CYSLTR2: variants seen among roughly 807,000 people sequenced by gnomAD.
CYSLTR2 encodes the protein G-protein coupled receptor GPCR21.
For synonymous variants in CYSLTR2, 179 were observed against 160.8 expected, an observed-to-expected ratio of 1.11 and a Z score of -0.86; for missense variants, 398 against 411.9, an observed-to-expected ratio of 0.97 and a Z score of 0.29.
At chr13:48,697,370 G>C (rs528167049) in intron 4 of CYSLTR2, among the ~76,000 whole-genome samples, 1 of 152,188 alleles carries the variant, frequency 6.6e-6, no homozygotes, top group African/African-American at 2.4e-5. Flanking sequence ...CTGTTCTGCC[G>C]CTTCCACTGG....
chr13:48,692,557 A>T (rs1210015733), intron 2 of CYSLTR2, among the ~76,000 whole-genome samples: 1 of 151,454 alleles, frequency 6.6e-6, no homozygotes. Flanking sequence ...AGATAAAATA[A>T]TATGTATGTC....
At chr13:48,666,149 C>T (rs545176213) in intron 1 of CYSLTR2, among the ~76,000 whole-genome samples, 13 of 152,170 alleles carry the variant, frequency 8.5e-5, no homozygotes, top group South Asian at 8.3e-4. Context: ...CTCTTCATTT[C>T]GGAAGGATAG....
intron 1 of CYSLTR2, among the ~76,000 whole-genome samples, chr13:48,662,217 A>G (rs1407858346): frequency 6.6e-6 from 1 of 152,196 alleles, no homozygotes; most frequent in African/African-American, 2.4e-5. Flanking sequence ...ATAGTATTCC[A>G]TTATGTATAT....
chr13:48,657,535 GGA>G (rs532041122), intron 1 of CYSLTR2, among the ~76,000 whole-genome samples: 10 of 151,826 alleles, frequency 6.6e-5, no homozygotes, highest in Admixed American at 4.6e-4. Flanking sequence ...AGATGGAAAA[GGA>G]GAGAGGAAAA....
At chr13:48,689,447 A>G (rs916144314) in intron 1 of CYSLTR2, among the ~76,000 whole-genome samples, 13 of 152,048 alleles carry the variant, frequency 8.5e-5, no homozygotes, top group Admixed American at 5.3e-4. Context: ...GTAAGGAAGG[A>G]GTCCAGGTTC....
At position 48,707,171 on chromosome 13, in the gene CYSLTR2, G is replaced by T. The variant is rs772682084; in HGVS notation, c.354G>T (p.Leu118Phe). The T allele has an allele frequency of 1.2e-6, 2 of 1,614,162 alleles. No individual in the cohort carries two copies. Among genetic ancestry groups the T allele is most frequent in the African/African-American group, 1.3e-5 (1 of 75,036 alleles). ...DLACRIMSYSLYVNMYSSIYF... is the reference protein window; with the variant it reads ...DLACRIMSYSFYVNMYSSIYF... The stretch of plus-strand genomic sequence containing the variant: ...CCTGCAGGATTATGTCTTATTCCTT[G>T]TATGTCAACATGTACAGCAGTATTT... Residue 118 changes from leucine (L) to phenylalanine (F), a missense_variant, in exon 5 of 5, where the codon TTG becomes TTT. Leu to Phe is a conservative substitution (Grantham distance 22, BLOSUM62 0). Transcript: ENST00000682523.
chr13:48,664,874 T>C (rs1263258012), intron 1 of CYSLTR2, among the ~76,000 whole-genome samples: 1 of 152,050 alleles, frequency 6.6e-6, no homozygotes, highest in Non-Finnish European at 1.5e-5. Flanking sequence ...TTGCTCTTGC[T>C]TTTCTAGTTC....
chr13:48,657,857 C>T (rs1169979973), intron 1 of CYSLTR2, among the ~76,000 whole-genome samples: 1 of 151,498 alleles, frequency 6.6e-6, no homozygotes, highest in Non-Finnish European at 1.5e-5. Context: ...ATGGATTACA[C>T]ATGCAATTTT....
At position 48,707,494 on chromosome 13, in the gene CYSLTR2, G is replaced by A. The variant is rs199534318; in HGVS notation, c.677G>A (p.Arg226Gln). 1.1e-5 allele frequency: 17 copies of A among 1,612,462 alleles called. No homozygotes were observed. The East Asian group carries it at 1.1e-4, about 11-fold the overall frequency. ...AGCATCTGTTATCTGCTGATCATTC[G>A]GGTTCTGTTAAAAGTGGAGGTCCCA... ...TLSICYLLIIRVLLKVEVPES... is the reference protein window; with the variant it reads ...TLSICYLLIIQVLLKVEVPES... Residue 226 changes from arginine to glutamine, a missense_variant, in exon 5 of 5, where the codon CGG becomes CAG. Transcript: ENST00000682523.
chr13:48,667,014 G>A (rs1953280892), intron 1 of CYSLTR2, among the ~76,000 whole-genome samples: 1 of 152,158 alleles, frequency 6.6e-6, no homozygotes, highest in African/African-American at 2.4e-5. Flanking sequence ...ACATCTGGTG[G>A]AAAAGTTGTC....
intron 4 of CYSLTR2, among the ~76,000 whole-genome samples, chr13:48,700,466 A>G (rs558467144): frequency 1.8e-4 from 27 of 152,358 alleles, no homozygotes; most frequent in East Asian, 9.6e-4. Flanking sequence ...ACAAAATTCA[A>G]CAACCCTTCA....
At chr13:48,703,533 T>C (rs1473392791) in intron 4 of CYSLTR2, among the ~76,000 whole-genome samples, 1 of 152,214 alleles carries the variant, frequency 6.6e-6, no homozygotes, top group Non-Finnish European at 1.5e-5. Context: ...TGAATGGATA[T>C]TGAATTTTGT....
At chr13:48,672,779 G>A (rs545540680) in intron 1 of CYSLTR2, among the ~76,000 whole-genome samples, 24 of 151,900 alleles carry the variant, frequency 1.6e-4, no homozygotes, top group East Asian at 1.5e-3. Flanking sequence ...CACCACGCCC[G>A]GCTAATTTTA....
At position 48,710,208 on chromosome 13, in the gene CYSLTR2, A is replaced by T. The variant is rs1954602878; in HGVS notation, c.*2350A>T. 6.6e-6 allele frequency: 1 copy of T among 152,234 alleles called. No individual in the cohort carries two copies. Among genetic ancestry groups the T allele is most frequent in the Non-Finnish European group, 1.5e-5 (1 of 68,048 alleles). 9.4% of individuals were successfully genotyped at this position (152,234 alleles called of 1,614,324 possible). On this transcript the variant is annotated 3_prime_UTR_variant, in exon 5 of 5. Coordinates refer to ENST00000682523, the MANE Select transcript of CYSLTR2 (RefSeq NM_001308476.3). Reference sequence around the variant, plus strand: ...TACAGCCAGCCAGTCTGAAAATATTAAATGGAAAATTCCAGAAATAATTCT... The same window carrying T: ...TACAGCCAGCCAGTCTGAAAATATTTAATGGAAAATTCCAGAAATAATTCT...
At position 48,667,449 on chromosome 13, in the gene CYSLTR2, A is replaced by G. The variant is rs911870948; in HGVS notation, c.-266+13432A>G. ...TTTCTCAGTCTCAGGATGCAGGTAC[A>G]TAGCTGCTTGGATGGCCTGAGGGAA... is the stretch of plus-strand genomic sequence containing the variant. On this transcript the variant is annotated intron_variant, in intron 1 of 4. Transcript: ENST00000682523. 9.8e-5 allele frequency among the ~76,000 whole-genome samples: 15 copies of G among 152,288 alleles called. No homozygotes were observed. In the Middle Eastern group the frequency reaches 0.01, roughly 104 times the overall value.
rs148227676 is a variant in CYSLTR2, at chr13:48,674,048, C to T, written c.-265-17164C>T. Among the ~76,000 whole-genome samples, 721 of 152,246 alleles carry T rather than the reference C, an allele frequency of 4.7e-3. 3 individuals are homozygous for T. The highest frequency in any genetic ancestry group is 0.01 in the Middle Eastern group (3 of 294). On this transcript the variant is annotated intron_variant, in intron 1 of 4. Coordinates refer to ENST00000682523, the MANE Select transcript of CYSLTR2 (RefSeq NM_001308476.3). ...AACCCAACCTTTCTGTCTGACTGTC[C>T]TTAACATTTTTTCCTTCACTTCAGC...
At chr13:48,706,728 T>C in intron 4 of CYSLTR2, 89 bp from the exon 5 acceptor site, 1 of 1,081,140 alleles carries the variant, frequency 9.2e-7, no homozygotes, top group Non-Finnish European at 1.3e-6. Context: ...CCCTGTTTCA[T>C]TAAAACCTAG....
chr13:48,676,678 T>C (rs1953605050), intron 1 of CYSLTR2, among the ~76,000 whole-genome samples: 1 of 151,798 alleles, frequency 6.6e-6, no homozygotes, highest in Admixed American at 6.6e-5. Flanking sequence ...TCAGACAGAG[T>C]TTGAGGTAGA....
rs1199701621 is a variant in CYSLTR2 at position 48,708,040 on chromosome 13, A to C, written c.*182A>C. ...TTATTCAGTGTATTTTCAGTTGTTG[A>C]GTCTTAATGAGGGATACAGGAGGAA... is the stretch of plus-strand genomic sequence containing the variant. On this transcript the variant is annotated 3_prime_UTR_variant, in exon 5 of 5. Transcript: ENST00000682523. 4.0e-6 allele frequency: 2 copies of C among 504,486 alleles called. No individual in the cohort carries two copies. The highest frequency in any genetic ancestry group is 6.9e-6 in the Non-Finnish European group (2 of 291,708). 31.3% of individuals were successfully genotyped at this position (504,486 alleles called of 1,614,324 possible). A position where few individuals can be genotyped will look rare whatever the true frequency, so the allele number is the denominator to read the frequency against.
Sources: allele counts gnomAD v4.1 joint callset (sites outside exome capture counted in the v4.1 genomes callset), GRCh38; gene constraint gnomAD v4.1.1; transcripts MANE v1.5; gene names NCBI Gene and HGNC (gene_info 2026-07-23, HGNC 2026-07-21).